The following NIN variants were observed in gnomAD, a reference collection of about 807,000 sequenced individuals.
NIN encodes glycogen synthase kinase 3 beta-interacting protein.
In NIN, 137 loss-of-function variants were observed where a neutral mutation model predicts 257.6. That is an observed-to-expected ratio of 0.53 (90% CI 0.46 to 0.61). The LOEUF is 0.61. Among genes scored for constraint, NIN ranks in the 20% least tolerant of loss-of-function variants. The probability of loss-of-function intolerance (pLI) is 0.00; values close to 1 mark genes in which losing one functional copy is unlikely to be tolerated. For synonymous variants in NIN, 918 were observed against 919.8 expected, an observed-to-expected ratio of 1.00 and a Z score of 0.04; for missense variants, 2,439 against 2,501.2, an observed-to-expected ratio of 0.98 and a Z score of 0.53.
At chr14:50,772,836 C>G in intron 8 of NIN, 113 bp downstream of exon 8, 12 of 851,674 alleles carry the variant, frequency 1.4e-5, no homozygotes, top group Non-Finnish European at 2.0e-5. Flanking sequence ...TCTTCTTTTG[C>G]TTCCCTCTCT....
At chr14:50,768,052 A>AACACACACACACACAC in intron 12 of NIN, among the ~76,000 whole-genome samples, 1 of 139,068 alleles carries the variant, frequency 7.2e-6, no homozygotes, top group African/African-American at 2.7e-5. Context: ...CACATTTGCC[A>AACACACACACACACAC]ACACACACAC....
chr14:50,727,073 A>T (rs1413917646), intron 29 of NIN, among the ~76,000 whole-genome samples: 1 of 152,186 alleles, frequency 6.6e-6, no homozygotes, highest in Non-Finnish European at 1.5e-5. Flanking sequence ...TCTAGCTTTT[A>T]AAAAGGCCTA....
chr14:50,823,049 T>A, intron 2 of NIN: 1 of 389,062 alleles, frequency 2.6e-6, no homozygotes, highest in Admixed American at 3.5e-5. Context: ...TTTGCCACTG[T>A]CCTTAGGATC....
At chr14:50,735,009 A>T (rs917819304) in intron 28 of NIN, among the ~76,000 whole-genome samples, 1 of 152,164 alleles carries the variant, frequency 6.6e-6, no homozygotes, top group South Asian at 2.1e-4. Context: ...CATAGTGATC[A>T]GATGTACCTC....
At chr14:50,803,209 C>G (rs552715767) in intron 4 of NIN, among the ~76,000 whole-genome samples, 164 of 152,238 alleles carry the variant, frequency 1.1e-3, no homozygotes, top group Non-Finnish European at 2.1e-3. Context: ...AAAAAATGAG[C>G]CAGGCGTAGT....
chr14:50,790,473 T>G (rs2043543856), intron 5 of NIN, among the ~76,000 whole-genome samples: 1 of 152,188 alleles, frequency 6.6e-6, no homozygotes, highest in South Asian at 2.1e-4. Flanking sequence ...AGTCCACTTT[T>G]GGTAATTAAA....
chr14:50,823,843 A>G (rs928770122), intron 2 of NIN, among the ~76,000 whole-genome samples: 6 of 152,210 alleles, frequency 3.9e-5, no homozygotes, highest in African/African-American at 9.7e-5. Context: ...TGTTTTCAAA[A>G]TAAGTTGAGA....
chr14:50,776,930 A>G lies in NIN; in HGVS notation c.666+19T>C. 6.2e-7 allele frequency: 1 copy of G among 1,600,982 alleles called. No homozygotes were observed. The highest frequency in any genetic ancestry group is 8.5e-7 in the Non-Finnish European group (1 of 1,172,928). ...CTTTTACCATCATTATCATTCCTGA[A>G]TTATACTGCGAGGCTTACCTCTCCA... On this transcript the variant is annotated intron_variant, in intron 7 of 30. Coordinates refer to ENST00000530997, the MANE Select transcript of NIN (RefSeq NM_020921.4).
In NIN at chr14:50,739,291, G is replaced by A. The variant is rs1183686347; in HGVS notation, c.5628+17C>T. ...CATTTTCAAACATATGCCATGATGT[G>A]CAGCTTCTCCAATTACCTTCTCCCG... On this transcript the variant is annotated intron_variant, in intron 26 of 30. Transcript: ENST00000530997. 6.2e-7 allele frequency: 1 copy of A among 1,611,428 alleles called. No homozygotes were observed. The highest frequency in any genetic ancestry group is 1.3e-5 in the African/African-American group (1 of 74,938).
chr14:50,775,583 A>C (rs1477100326), intron 7 of NIN, among the ~76,000 whole-genome samples: 1 of 152,222 alleles, frequency 6.6e-6, no homozygotes, highest in Non-Finnish European at 1.5e-5. Context: ...CAGGAAAAAC[A>C]CTAAGTAAAA....
At chr14:50,775,421 AC>A (rs759936303) in intron 7 of NIN, among the ~76,000 whole-genome samples, 4 of 152,062 alleles carry the variant, frequency 2.6e-5, no homozygotes, top group African/African-American at 4.8e-5. Flanking sequence ...CACTCTCTCT[AC>A]CTATAAAATG....
intron 25 of NIN, among the ~76,000 whole-genome samples, chr14:50,740,045 T>C (rs1158433725): frequency 1.3e-5 from 2 of 152,154 alleles, no homozygotes; most frequent in Non-Finnish European, 2.9e-5. Flanking sequence ...ACCAAAGTGA[T>C]TTTTTGGATC....
intron 30 of NIN, 103 bp from the exon 31 acceptor site, chr14:50,723,775 A>T: frequency 4.5e-6 from 4 of 892,680 alleles, no homozygotes; most frequent in Non-Finnish European, 7.0e-6. Context: ...AAGGCAAATC[A>T]CTTCGTCTAA....
chr14:50,831,229 C>T (rs2045694671), upstream of NIN: 1 of 151,504 alleles, frequency 6.6e-6, no homozygotes, highest in Non-Finnish European at 1.5e-5. Context: ...CTGCGGCCCG[C>T]GCGGCTCAGG....
At chr14:50,795,488 C>T (rs957276886) in intron 4 of NIN, among the ~76,000 whole-genome samples, 4 of 152,194 alleles carry the variant, frequency 2.6e-5, no homozygotes, top group South Asian at 2.1e-4. Context: ...AGATGTCCAC[C>T]GAACCATGGG....
At chr14:50,805,477 C>T (rs1050826694) in intron 4 of NIN, among the ~76,000 whole-genome samples, 2 of 152,102 alleles carry the variant, frequency 1.3e-5, no homozygotes, top group African/African-American at 2.4e-5. Flanking sequence ...GTCACCATCC[C>T]CGAAAAAGGC....
At chr14:50,767,620 A>T (rs556774774) in intron 12 of NIN, among the ~76,000 whole-genome samples, 7 of 152,162 alleles carry the variant, frequency 4.6e-5, no homozygotes, top group African/African-American at 9.7e-5. Flanking sequence ...GATCGAGACC[A>T]TCCTGGCGAA....
intron 2 of NIN, among the ~76,000 whole-genome samples, chr14:50,829,450 C>G (rs1459322243): frequency 2.0e-5 from 3 of 152,134 alleles, no homozygotes; most frequent in Non-Finnish European, 4.4e-5. Context: ...TTACGGGGAC[C>G]TAACTGAGAA....
intron 16 of NIN, among the ~76,000 whole-genome samples, chr14:50,761,450 G>A (rs567493712): frequency 6.6e-6 from 1 of 152,334 alleles, no homozygotes; most frequent in South Asian, 2.1e-4. Context: ...GAAGAGTTTA[G>A]AGGCCAAGGT....
Sources: allele counts gnomAD v4.1 joint callset (sites outside exome capture counted in the v4.1 genomes callset), GRCh38; gene constraint gnomAD v4.1.1; transcripts MANE v1.5; gene names NCBI Gene and HGNC (gene_info 2026-07-23, HGNC 2026-07-21).